STIP1: variants seen among roughly 807,000 people sequenced by gnomAD.
STIP1 encodes the protein stress induced phosphoprotein 1, also known as stress-induced-phosphoprotein 1.
Under a neutral mutation model 77.4 loss-of-function variants are expected in STIP1, and 16 were observed. That is an observed-to-expected ratio of 0.21 (90% CI 0.14 to 0.31). STIP1 has a LOEUF of 0.31. Ranked by LOEUF, STIP1 falls within the 10% of genes least tolerant of loss-of-function variation. The pLI, the probability that STIP1 is intolerant of heterozygous loss-of-function variation, is 1.00. For missense variants in STIP1, 524 were observed against 684.8 expected (o/e 0.77, Z 2.62); for synonymous variants, 258 against 246.6 (o/e 1.05, Z -0.44).
chr11:64,195,563 T>G (rs1946139992), intron 4 of STIP1, 82 bp from the exon 5 acceptor site: 1 of 1,375,172 alleles, frequency 7.3e-7, no homozygotes, highest in Non-Finnish European at 9.8e-7. Flanking sequence ...AGAATCTGAC[T>G]TTAGTAGTAA....
chr11:64,185,386 T>A (rs964873371), upstream of STIP1: 2 of 185,304 alleles, frequency 1.1e-5, no homozygotes, highest in Non-Finnish European at 2.3e-5. Flanking sequence ...ATCCCCGGCC[T>A]GTCCAGCCCA....
chr11:64,204,253 C>T lies in STIP1; in HGVS notation c.*127C>T. On this transcript the variant is annotated 3_prime_UTR_variant, in exon 14 of 14. Transcript: ENST00000305218. ...TCATCTCTCTATATTTATACATAAC[C>T]CCGGGGAAGACACAGAGACTCGTAC... 1.1e-6 allele frequency: 1 copy of T among 943,262 alleles called. No homozygotes were observed. Among genetic ancestry groups the T allele is most frequent in the Non-Finnish European group, 1.6e-6 (1 of 629,822 alleles). 58.4% of individuals were successfully genotyped at this position (943,262 alleles called of 1,614,324 possible). A position where few individuals can be genotyped will look rare whatever the true frequency, so the allele number is the denominator to read the frequency against.
rs1322807754 is a variant in STIP1, at chr11:64,204,344, CCCT to C, written c.*220_*222del. ...CACACGCATGGTCTCTTCACCGCTG[CCCT>C]CGAGTTCCATGTCTCTTTCCCCTGC... On this transcript the variant is annotated 3_prime_UTR_variant, in exon 14 of 14. Transcript: ENST00000305218. 3.8e-6 allele frequency: 2 copies of C among 524,052 alleles called. No homozygotes were observed. The highest frequency in any genetic ancestry group is 6.7e-6 in the Non-Finnish European group (2 of 300,228). The allele number at this position is 524,052 out of a possible 1,614,324, so 32.5% of individuals were successfully genotyped here. A position where few individuals can be genotyped will look rare whatever the true frequency, so the allele number is the denominator to read the frequency against.
Position 64,195,655 on chromosome 11 carries a change from G to C in STIP1, c.514G>C (p.Asp172His), listed in dbSNP as rs1388712216. The part of the protein sequence containing the change: ...KPSDLGTKLQ[D>H]PRIMTTLSVL... Reference sequence around the variant, plus strand: ...TTAAATCAATACTAGGAAACTACAAGATCCCCGGATCATGACCACTCTCAG... The same window carrying C: ...TTAAATCAATACTAGGAAACTACAACATCCCCGGATCATGACCACTCTCAG... The change falls in exon 5 of 14, where the codon GAT becomes CAT. Residue 172 changes from aspartate (D) to histidine (H), a missense_variant. Asp to His is a moderately conservative substitution (Grantham distance 81, BLOSUM62 -1). Transcript: ENST00000305218. 2.5e-6 allele frequency: 4 copies of C among 1,605,250 alleles called. No individual in the cohort carries two copies. The highest frequency in any genetic ancestry group is 1.3e-5 in the African/African-American group (1 of 74,448).
At chr11:64,185,894 C>T (rs1432038470), upstream of STIP1, 1 of 1,536,170 alleles carries the variant, frequency 6.5e-7, no homozygotes, top group Non-Finnish European at 8.7e-7. Context: ...GCGCGGCCAG[C>T]GCGGCTACGA....
rs897203387 is a variant in STIP1 at position 64,197,381 on chromosome 11, C to T, written c.783C>T (p.Tyr261=). The T allele has an allele frequency of 4.3e-6, 7 of 1,614,016 alleles. No individual in the cohort carries two copies. The highest frequency in any genetic ancestry group is 2.2e-5 in the East Asian group (1 of 44,876). The change falls in exon 6 of 14, where the codon TAC becomes TAT. Residue 261 remains tyrosine (Y), a synonymous_variant. Coordinates refer to ENST00000305218, the MANE Select transcript of STIP1 (RefSeq NM_006819.3). Reference sequence around the variant, plus strand: ...AGCTGGACCCCACTAACATGACTTACATTACCAATCAAGCAGGTGAGGCCC... The same window carrying T: ...AGCTGGACCCCACTAACATGACTTATATTACCAATCAAGCAGGTGAGGCCC... ...AKELDPTNMT[Y]ITNQAAVYFE...
chr11:64,203,217 T>C lies in STIP1; in HGVS notation c.1375T>C (p.Ser459Pro), dbSNP rs1946240302. 1 of 1,613,868 alleles carries C rather than the reference T, an allele frequency of 6.2e-7. No homozygotes were observed. Among genetic ancestry groups the C allele is most frequent in the African/African-American group, 1.3e-5 (1 of 74,948 alleles). The change falls in exon 12 of 14, where the codon TCC becomes CCC. Residue 459 changes from serine (S) to proline (P), a missense_variant. Coordinates refer to ENST00000305218, the MANE Select transcript of STIP1 (RefSeq NM_006819.3). ...GTACCAGAAGGCGCTAGACCTGGAC[T>C]CCAGCTGTAAGGTGGGGCTGCTTCT... ...DVYQKALDLD[S>P]SCKEAADGYQ...
intron 1 of STIP1, among the ~76,000 whole-genome samples, chr11:64,186,684 C>A (rs997940885): frequency 3.3e-5 from 5 of 152,226 alleles, no homozygotes; most frequent in African/African-American, 1.2e-4. Flanking sequence ...TCCGGGAGAT[C>A]TCAGACGGCC....
upstream of STIP1, chr11:64,186,115 C>T (rs975290733): frequency 1.1e-5 from 17 of 1,550,522 alleles, no homozygotes; most frequent in Non-Finnish European, 1.3e-5. Context: ...GACATTCCCC[C>T]TAGAAGAACT....
rs1230699937 is a variant in STIP1, at chr11:64,204,314, C to G, written c.*188C>G. ...TGTGCCGCCGCTGCCTCTGGGCCCT[C>G]CCAGCACACGCATGGTCTCTTCACC... On this transcript the variant is annotated 3_prime_UTR_variant, in exon 14 of 14. Transcript: ENST00000305218. 11 of 604,162 alleles carry G rather than the reference C, an allele frequency of 1.8e-5. No individual in the cohort carries two copies. The highest frequency in any genetic ancestry group is 1.7e-4 in the East Asian group (6 of 34,930). The allele number at this position is 604,162 out of a possible 1,614,324, so 37.4% of individuals were successfully genotyped here. A position where few individuals can be genotyped will look rare whatever the true frequency, so the allele number is the denominator to read the frequency against.
intron 1 of STIP1, 167 bp downstream of exon 1, chr11:64,186,437 G>A (rs1048651487): frequency 6.2e-6 from 5 of 800,404 alleles, no homozygotes; most frequent in Non-Finnish European, 8.3e-6. Context: ...GCGGGCGGGA[G>A]CGGGATCTTT....
intron 11 of STIP1, 32 bp downstream of exon 11, chr11:64,202,944 T>C (rs754513611): frequency 6.2e-7 from 1 of 1,614,072 alleles, no homozygotes; most frequent in African/African-American, 1.3e-5. Context: ...GTCCCCTGTC[T>C]CTAGCCAAAA....
intron 13 of STIP1, 61 bp downstream of exon 13, chr11:64,203,683 G>A (rs759359007): frequency 6.2e-7 from 1 of 1,603,214 alleles, no homozygotes; most frequent in South Asian, 1.1e-5. Flanking sequence ...GCAGATGAGT[G>A]CACGCGGCTG....
intron 1 of STIP1, among the ~76,000 whole-genome samples, chr11:64,189,175 A>G (rs1012423996): frequency 6.6e-6 from 1 of 152,260 alleles, no homozygotes; most frequent in African/African-American, 2.4e-5. Context: ...AGCCTGGCCA[A>G]TATGGTGAAA....
In STIP1 at chr11:64,200,028, T is replaced by G. The variant is rs776082917; in HGVS notation, c.1112T>G (p.Phe371Cys). 1 of 1,614,186 alleles carries G rather than the reference T, an allele frequency of 6.2e-7. No individual in the cohort carries two copies. The highest frequency in any genetic ancestry group is 8.5e-7 in the Non-Finnish European group (1 of 1,180,036). Reference sequence around the variant, plus strand: ...GAGAAGAACAAAGGCAACGAGTGTTTTCAGAAAGGTACTGCCTGCAGCTGG... The same window carrying G: ...GAGAAGAACAAAGGCAACGAGTGTTGTCAGAAAGGTACTGCCTGCAGCTGG... The part of the protein sequence containing the change: ...LEEKNKGNEC[F>C]QKGDYPQAMK... The change falls in exon 9 of 14, where the codon TTT becomes TGT. Residue 371 changes from phenylalanine to cysteine, a missense_variant. Physicochemically the swap from Phe to Cys is radical, Grantham distance 205 (BLOSUM62 -2). Transcript: ENST00000305218.
chr11:64,198,735 C>A (rs1263287171), intron 8 of STIP1, among the ~76,000 whole-genome samples: 1 of 129,646 alleles, frequency 7.7e-6, no homozygotes, highest in Non-Finnish European at 1.6e-5. Context: ...AGGAAGTGAT[C>A]TGGTGTTTTT....
chr11:64,203,276 T>C (rs1172500553), intron 12 of STIP1, 48 bp downstream of exon 12: 2 of 1,603,472 alleles, frequency 1.2e-6, no homozygotes, highest in Non-Finnish European at 1.7e-6. Context: ...TCTTTCTCTG[T>C]TGGGGCTTTT....
intron 8 of STIP1, among the ~76,000 whole-genome samples, chr11:64,198,395 T>C (rs1946174732): frequency 6.6e-6 from 1 of 152,078 alleles, no homozygotes; most frequent in East Asian, 1.9e-4. Context: ...GTATTTTTAG[T>C]AGAGATGGGG....
At chr11:64,193,456 G>A (rs1946114585) in intron 2 of STIP1, 169 bp downstream of exon 2, 4 of 647,776 alleles carry the variant, frequency 6.2e-6, no homozygotes, top group Non-Finnish European at 8.0e-6. Flanking sequence ...GTAGCCATTA[G>A]TTGTAATACA....
Sources: gnomAD v4.1 joint callset for allele counts (sites outside exome capture counted in the v4.1 genomes callset) on GRCh38, gnomAD v4.1.1 for gene constraint, MANE v1.5 for transcripts, NCBI Gene and HGNC (gene_info 2026-07-23, HGNC 2026-07-21) for gene names.